The following ANO3 variants were observed in gnomAD, a reference collection of about 807,000 sequenced individuals.
ANO3 encodes the protein anoctamin-3.
A neutral mutation model predicts 144.8 loss-of-function variants in ANO3; 99 were observed. The ratio of observed to expected loss-of-function variants is 0.68; its 90% CI spans 0.58 to 0.81. The LOEUF is 0.81. Among genes scored for constraint, ANO3 ranks in the 30% least tolerant of loss-of-function variants. ANO3 has a pLI of 0.00. For synonymous variants in ANO3, 414 were observed against 392.6 expected (o/e 1.05, Z -0.64); for missense variants, 905 against 1,202.2 (o/e 0.75, Z 3.66).
chr11:26,450,786 C>T (rs1411255701), intron 3 of ANO3, among the ~76,000 whole-genome samples: 1 of 152,086 alleles, frequency 6.6e-6, no homozygotes, highest in Non-Finnish European at 1.5e-5. Flanking sequence ...TAAAATTCTC[C>T]AGGAAGTATA....
At chr11:26,349,987 C>T (rs998686821) in intron 1 of ANO3, among the ~76,000 whole-genome samples, 2 of 152,080 alleles carry the variant, frequency 1.3e-5, no homozygotes, top group African/African-American at 2.4e-5. Context: ...CCTGGCATTT[C>T]CCCCTTCCCC....
intron 1 of ANO3, among the ~76,000 whole-genome samples, chr11:26,432,196 A>G (rs761664400): frequency 6.6e-6 from 1 of 152,064 alleles, no homozygotes; most frequent in Admixed American, 6.6e-5. Flanking sequence ...TGGTGGCCAC[A>G]TGTATATCTT....
intron 1 of ANO3, among the ~76,000 whole-genome samples, chr11:26,385,454 C>A (rs1403312169): frequency 1.3e-5 from 2 of 152,136 alleles, no homozygotes; most frequent in Non-Finnish European, 2.9e-5. Context: ...TGGCTGATTT[C>A]TTCTGCAGGT....
intron 1 of ANO3, among the ~76,000 whole-genome samples, chr11:26,247,307 C>T (rs1323859591): frequency 6.6e-6 from 1 of 152,140 alleles, no homozygotes; most frequent in Non-Finnish European, 1.5e-5. Context: ...CAAGCGTGAC[C>T]TAGTTGTCTC....
chr11:26,488,881 G>A (rs1425509217), intron 4 of ANO3, among the ~76,000 whole-genome samples: 1 of 152,158 alleles, frequency 6.6e-6, no homozygotes, highest in Non-Finnish European at 1.5e-5. Context: ...ATTTGGCCCT[G>A]CCCACATCCT....
intron 17 of ANO3, among the ~76,000 whole-genome samples, chr11:26,609,236 T>G (rs1315302894): frequency 6.6e-6 from 1 of 152,126 alleles, no homozygotes; most frequent in African/African-American, 2.4e-5. Flanking sequence ...GTGCTGTTCC[T>G]TCCACTCAGT....
chr11:26,363,897 T>C (rs1238345328), intron 1 of ANO3, among the ~76,000 whole-genome samples: 3 of 152,156 alleles, frequency 2.0e-5, no homozygotes, highest in African/African-American at 4.8e-5. Flanking sequence ...CCATAGACTT[T>C]TGAGAACATA....
chr11:26,281,252 T>C (rs1251609193), intron 1 of ANO3, among the ~76,000 whole-genome samples: 2 of 152,164 alleles, frequency 1.3e-5, no homozygotes, highest in African/African-American at 4.8e-5. Flanking sequence ...TATTAATATA[T>C]ATAATCCTAT....
intron 1 of ANO3, among the ~76,000 whole-genome samples, chr11:26,340,966 A>G (rs533207271): frequency 7.2e-5 from 11 of 152,214 alleles, no homozygotes; most frequent in Admixed American, 3.9e-4. Context: ...CAGTTGTTCA[A>G]TCGTGTCCCT....
At position 26,537,405 on chromosome 11, in the gene ANO3, GGTATCC is replaced by G; in HGVS notation, c.980_985del (p.Ile327_Arg328del). The G allele has an allele frequency of 6.2e-7, 1 of 1,611,952 alleles. No homozygotes were observed. Among genetic ancestry groups the G allele is most frequent in the Non-Finnish European group, 8.5e-7 (1 of 1,178,042 alleles). ...TAACTGTCCTTTTCTTCTCTTTGCAGGTATCCGTAAACTTATAAACAATGGCTCATA... is the reference window on the plus strand; with the variant it reads ...TAACTGTCCTTTTCTTCTCTTTGCAGGTAAACTTATAAACAATGGCTCATA... On this transcript the variant is annotated inframe_deletion and splice_region_variant, in exon 10 of 27. Coordinates refer to ENST00000256737, the MANE Select transcript of ANO3 (RefSeq NM_031418.4).
At chr11:26,244,891 C>A (rs1379993574) in intron 1 of ANO3, among the ~76,000 whole-genome samples, 1 of 151,480 alleles carries the variant, frequency 6.6e-6, no homozygotes, top group Non-Finnish European at 1.5e-5. Flanking sequence ...TTGTTAATTC[C>A]AGGCACACTC....
chr11:26,309,769 A>C (rs1467311059), intron 1 of ANO3: 1 of 919,706 alleles, frequency 1.1e-6, no homozygotes. Context: ...TCTGTTCTTC[A>C]ATATAATGTG....
At chr11:26,268,141 T>G (rs1853356033) in intron 1 of ANO3, among the ~76,000 whole-genome samples, 1 of 152,146 alleles carries the variant, frequency 6.6e-6, no homozygotes, top group African/African-American at 2.4e-5. Flanking sequence ...CCACCAAATA[T>G]AAATGCATGA....
chr11:26,585,974 T>G (rs1266929685), intron 14 of ANO3, among the ~76,000 whole-genome samples: 1 of 152,190 alleles, frequency 6.6e-6, no homozygotes, highest in Non-Finnish European at 1.5e-5. Flanking sequence ...TAATTGGAAG[T>G]CAAAACAAAA....
intron 1 of ANO3, among the ~76,000 whole-genome samples, chr11:26,394,574 T>TC: frequency 6.8e-6 from 1 of 147,310 alleles, no homozygotes; most frequent in Non-Finnish European, 1.5e-5. Flanking sequence ...CATTTTCTTT[T>TC]TTTTTTTTTT....
chr11:26,250,634 T>A (rs768299083), intron 1 of ANO3, among the ~76,000 whole-genome samples: 1 of 152,310 alleles, frequency 6.6e-6, no homozygotes, highest in East Asian at 1.9e-4. Flanking sequence ...TCAGGAGAAC[T>A]AAATTATTTT....
chr11:26,398,450 A>C (rs559548448), intron 1 of ANO3, among the ~76,000 whole-genome samples: 1 of 152,110 alleles, frequency 6.6e-6, no homozygotes, highest in Non-Finnish European at 1.5e-5. Context: ...TATGACTAAA[A>C]AAGCATGAAC....
intron 1 of ANO3, among the ~76,000 whole-genome samples, chr11:26,407,267 T>C (rs940531599): frequency 3.3e-5 from 5 of 151,506 alleles, no homozygotes; most frequent in Admixed American, 6.6e-5. Flanking sequence ...TTCTATTACT[T>C]TGAGTGCTCA....
rs1448327959 is a variant in ANO3 at position 26,326,538 on chromosome 11, C to T, written c.-3+16819C>T. On this transcript the variant is annotated intron_variant, in intron 1 of 26. Transcript: ENST00000525139. ...TAAATAAATATTCATGCACACTCAA[C>T]GTTTGAATGATTGCTTAGCATTGTG... Among the ~76,000 whole-genome samples the T allele has an allele frequency of 2.0e-5, 3 of 152,086 alleles. No homozygotes were observed. The East Asian group carries it at 5.8e-4, about 29-fold the overall frequency.
Sources: gnomAD v4.1 joint callset for allele counts (sites outside exome capture counted in the v4.1 genomes callset) on GRCh38, gnomAD v4.1.1 for gene constraint, MANE v1.5 for transcripts, NCBI Gene and HGNC (gene_info 2026-07-23, HGNC 2026-07-21) for gene names.